The following ATXN7L1 variants were observed in gnomAD, a reference collection of about 807,000 sequenced individuals.
The protein encoded by ATXN7L1 is ataxin-7-like protein 1.
ATXN7L1 carries 15 observed loss-of-function variants against 70.8 expected under a neutral mutation model. The observed-to-expected ratio is 0.21, with a 90% CI of 0.14 to 0.33. ATXN7L1 has a LOEUF of 0.33. Among genes scored for constraint, ATXN7L1 ranks in the 10% least tolerant of loss-of-function variants. The pLI is 1.00. For missense variants in ATXN7L1, 975 were observed against 1,097.1 expected (o/e 0.89, Z 1.57); for synonymous variants, 440 against 445.1 (o/e 0.99, Z 0.14).
intron 3 of ATXN7L1, among the ~76,000 whole-genome samples, chr7:105,727,132 A>G (rs1374481086): frequency 6.6e-6 from 1 of 152,180 alleles, no homozygotes; most frequent in African/African-American, 2.4e-5. Context: ...GGGCAATTTG[A>G]CAGTAGTTGT....
intron 2 of ATXN7L1, among the ~76,000 whole-genome samples, chr7:105,864,456 C>CAAAAAAAAAAAA (rs34739253): frequency 2.4e-5 from 1 of 41,062 alleles, no homozygotes; most frequent in Admixed American, 3.9e-4. Flanking sequence ...GGCCCTGTCT[C>CAAAAAAAAAAAA]AAAAAAAAAA....
chr7:105,780,984 G>C (rs2116462915), intron 3 of ATXN7L1, among the ~76,000 whole-genome samples: 1 of 152,318 alleles, frequency 6.6e-6, no homozygotes, highest in Non-Finnish European at 1.5e-5. Flanking sequence ...TACGGCAGTA[G>C]TTCCCAACTG....
intron 3 of ATXN7L1, among the ~76,000 whole-genome samples, chr7:105,735,757 T>C (rs1797303192): frequency 6.6e-6 from 1 of 151,998 alleles, no homozygotes; most frequent in African/African-American, 2.4e-5. Context: ...CTTTTCACTT[T>C]GTTGAATGTT....
At chr7:105,639,291 T>C (rs910048683) in intron 6 of ATXN7L1, among the ~76,000 whole-genome samples, 196 bp downstream of exon 6, 3 of 113,602 alleles carry the variant, frequency 2.6e-5, no homozygotes, top group Non-Finnish European at 3.9e-5. Flanking sequence ...TTTTTTTTTT[T>C]CTCCTTCTTA....
chr7:105,718,509 T>C (rs1794821739), intron 3 of ATXN7L1, among the ~76,000 whole-genome samples: 1 of 152,228 alleles, frequency 6.6e-6, no homozygotes. Flanking sequence ...CAGGGTCATA[T>C]CTACCTTTTG....
chr7:105,678,092 C>CTT (rs66850827), intron 3 of ATXN7L1: 1,613 of 518,212 alleles, frequency 3.1e-3, no homozygotes, highest in Middle Eastern at 4.1e-3. Flanking sequence ...CAGACACATA[C>CTT]TTTTTTTTTT....
intron 3 of ATXN7L1, among the ~76,000 whole-genome samples, chr7:105,709,506 C>A (rs1488089720): frequency 6.6e-6 from 1 of 152,152 alleles, no homozygotes; most frequent in African/African-American, 2.4e-5. Flanking sequence ...CACACCCCAA[C>A]CACCTCTTTT....
intron 2 of ATXN7L1, among the ~76,000 whole-genome samples, chr7:105,874,539 A>T (rs1191054840): frequency 6.6e-6 from 1 of 152,250 alleles, no homozygotes; most frequent in Non-Finnish European, 1.5e-5. Flanking sequence ...ACCTGTCAAG[A>T]TCACACTAAG....
In ATXN7L1 at chr7:105,606,115, C is replaced by G. The variant is rs536736970; in HGVS notation, c.*1737G>C. On this transcript the variant is annotated 3_prime_UTR_variant, in exon 12 of 12. Coordinates refer to ENST00000419735, the MANE Select transcript of ATXN7L1 (RefSeq NM_020725.2). ...CAATTTGCAGTCTCTTTTCCCAAGACGTAAATAAACCAGCATATAAGTGCA... is the reference window on the plus strand; with the variant it reads ...CAATTTGCAGTCTCTTTTCCCAAGAGGTAAATAAACCAGCATATAAGTGCA... The G allele has an allele frequency of 6.6e-6, 1 of 151,516 alleles. No homozygotes were observed. The highest frequency in any genetic ancestry group is 1.5e-5 in the Non-Finnish European group (1 of 67,932). The allele number at this position is 151,516 out of a possible 1,614,324, so 9.4% of individuals were successfully genotyped here. A position where few individuals can be genotyped will look rare whatever the true frequency, so the allele number is the denominator to read the frequency against.
At position 105,607,659 on chromosome 7, in the gene ATXN7L1, C is replaced by T. The variant is rs952416713; in HGVS notation, c.*193G>A. The T allele has an allele frequency of 3.5e-6, 2 of 579,538 alleles. No individual in the cohort carries two copies. The highest frequency in any genetic ancestry group is 3.7e-5 in the African/African-American group (2 of 53,504). The allele number at this position is 579,538 out of a possible 1,614,324, so 35.9% of individuals were successfully genotyped here. A position where few individuals can be genotyped will look rare whatever the true frequency, so the allele number is the denominator to read the frequency against. On this transcript the variant is annotated 3_prime_UTR_variant, in exon 12 of 12. Coordinates refer to ENST00000419735, the MANE Select transcript of ATXN7L1 (RefSeq NM_020725.2). The stretch of plus-strand genomic sequence containing the variant: ...CACTGGAACTGTTTTCTGTAAATCT[C>T]AAATTCACCTTCTTTTGCCTTTTTA...
In ATXN7L1 at chr7:105,614,853, A is replaced by G. The variant is rs1257833986; in HGVS notation, c.1518-37T>C. 1.3e-6 allele frequency: 2 copies of G among 1,523,832 alleles called. No individual in the cohort carries two copies. 94.4% of individuals were successfully genotyped at this position (1,523,832 alleles called of 1,614,324 possible). A position where few individuals can be genotyped will look rare whatever the true frequency, so the allele number is the denominator to read the frequency against. ...AGAAGAGTGAAAGAGAATCAGTGAG[A>G]CATCGGGTTGGCATTGCTCAGGAGG... On this transcript the variant is annotated intron_variant, in intron 9 of 11. Coordinates refer to ENST00000419735, the MANE Select transcript of ATXN7L1 (RefSeq NM_020725.2). This position sits in a 1 kb window ranked among gnomAD's most constrained non-coding sequence, Gnocchi z 4.3.
At chr7:105,730,181 A>C (rs1796372794) in intron 3 of ATXN7L1, among the ~76,000 whole-genome samples, 1 of 152,164 alleles carries the variant, frequency 6.6e-6, no homozygotes, top group African/African-American at 2.4e-5. Flanking sequence ...ACACTACCTC[A>C]GTCAGGTGAT....
intron 3 of ATXN7L1, among the ~76,000 whole-genome samples, chr7:105,731,748 A>AAAAAGAAAAGAAAAG (rs534062694): frequency 0.024 from 2,515 of 106,900 alleles, 89 homozygotes; most frequent in East Asian, 0.11. Context: ...CTTACTCCTT[A>AAAAAGAAAAGAAAAG]AAAAGAAAAG....
At chr7:105,620,139 T>G in intron 9 of ATXN7L1, 61 bp downstream of exon 9, 2 of 1,535,610 alleles carry the variant, frequency 1.3e-6, no homozygotes, top group Non-Finnish European at 1.8e-6. Flanking sequence ...TTTAGAAAGT[T>G]AAGTTTCAGG....
Position 105,876,595 on chromosome 7 carries a change from G to A in ATXN7L1, c.-37C>T. ...TCCGACATTGAGTGTTCTGAAAGGG[G>A]GAGGGAGGGAGGAAGGGCGGGATGG... On this transcript the variant is annotated 5_prime_UTR_variant, in exon 1 of 12. Coordinates refer to ENST00000419735, the MANE Select transcript of ATXN7L1 (RefSeq NM_020725.2). The A allele has an allele frequency of 1.3e-6, 2 of 1,485,684 alleles. No individual in the cohort carries two copies. The highest frequency in any genetic ancestry group is 1.8e-6 in the Non-Finnish European group (2 of 1,082,018). 92.0% of individuals were successfully genotyped at this position (1,485,684 alleles called of 1,614,324 possible). A position where few individuals can be genotyped will look rare whatever the true frequency, so the allele number is the denominator to read the frequency against.
At chr7:105,678,023 C>T (rs879435563) in intron 3 of ATXN7L1, 20 of 984,998 alleles carry the variant, frequency 2.0e-5, no homozygotes, top group East Asian at 1.1e-4. Context: ...CAGTTGGCAG[C>T]GGCAAACAGG....
At chr7:105,777,688 A>G (rs977737019) in intron 3 of ATXN7L1, among the ~76,000 whole-genome samples, 1 of 152,174 alleles carries the variant, frequency 6.6e-6, no homozygotes, top group Non-Finnish European at 1.5e-5. Flanking sequence ...TGTTACCGCT[A>G]GCTATGCATT....
In ATXN7L1 at chr7:105,692,370, T is replaced by TTTCCTTCCTTCC. The variant is rs60485799; in HGVS notation, c.356-27094_356-27083dup. Among the ~76,000 whole-genome samples the TTTCCTTCCTTCC allele has an allele frequency of 8.8e-3, 837 of 94,590 alleles. 19 individuals are homozygous for TTTCCTTCCTTCC. The highest frequency in any genetic ancestry group is 0.018 in the African/African-American group (424 of 23,228). 62.1% of individuals were successfully genotyped at this position (94,590 alleles called of 152,430 possible). ...GGGACATGCTGGATGAATTTCTTTC[T>TTTCCTTCCTTCC]TTCCTTCCTTCCTTCCTTCCTTCCT... is the stretch of plus-strand genomic sequence containing the variant. On this transcript the variant is annotated intron_variant, in intron 3 of 11. Coordinates refer to ENST00000419735, the MANE Select transcript of ATXN7L1 (RefSeq NM_020725.2).
At chr7:105,676,846 AC>A (rs1463157784) in intron 3 of ATXN7L1, among the ~76,000 whole-genome samples, 1 of 152,160 alleles carries the variant, frequency 6.6e-6, no homozygotes, top group African/African-American at 2.4e-5. Context: ...TCTCAAAAAA[AC>A]AAAACAAAAC....
Sources: gnomAD v4.1 joint callset for allele counts (sites outside exome capture counted in the v4.1 genomes callset) on GRCh38, gnomAD v4.1.1 for gene constraint, Gnocchi (gnomAD v3.1) non-coding constraint, MANE v1.5 for transcripts, NCBI Gene and HGNC (gene_info 2026-07-23, HGNC 2026-07-21) for gene names.